SLC9C1: variants seen among roughly 807,000 people sequenced by gnomAD.
SLC9C1 encodes the protein sodium/hydrogen exchanger 10.
SLC9C1 carries 97 observed loss-of-function variants against 140.9 expected under a neutral mutation model. The ratio of observed to expected loss-of-function variants is 0.69; its 90% CI spans 0.58 to 0.82. SLC9C1 has a LOEUF of 0.82. Among genes scored for constraint, SLC9C1 ranks in the 40% least tolerant of loss-of-function variants. The probability of loss-of-function intolerance (pLI) is 0.00; values close to 1 mark genes in which losing one functional copy is unlikely to be tolerated. For synonymous variants in SLC9C1, 440 were observed against 442.6 expected (o/e 0.99, Z 0.07); for missense variants, 1,340 against 1,389.3 (o/e 0.96, Z 0.56).
rs541347725 is a variant in SLC9C1 at position 112,232,678 on chromosome 3, A to G, written c.1447-1192T>C. Among the ~76,000 whole-genome samples the G allele has an allele frequency of 7.2e-5, 11 of 152,248 alleles. No homozygotes were observed. In the South Asian group the frequency reaches 2.1e-3, roughly 29 times the overall value. ...CAAAAACAAAAACATTGTAAAAACC[A>G]TTGAAAACTGGACATGATGTAGGAC... On this transcript the variant is annotated intron_variant, in intron 12 of 28. Transcript: ENST00000305815.
intron 15 of SLC9C1, among the ~76,000 whole-genome samples, chr3:112,213,515 T>C (rs1560074826): frequency 6.6e-6 from 1 of 152,132 alleles, no homozygotes; most frequent in Non-Finnish European, 1.5e-5. Context: ...GAGGAAGATC[T>C]ACCAAGCAGA....
At position 112,199,383 on chromosome 3, in the gene SLC9C1, T is replaced by C. The variant is rs368330431; in HGVS notation, c.2461A>G (p.Ile821Val). 17 of 1,598,954 alleles carry C rather than the reference T, an allele frequency of 1.1e-5. No individual in the cohort carries two copies. The highest frequency in any genetic ancestry group is 1.4e-5 in the Non-Finnish European group (17 of 1,173,700). Residue 821 changes from isoleucine to valine, a missense_variant, in exon 20 of 29, where the codon ATT becomes GTT. Ile to Val is a conservative substitution (Grantham distance 29, BLOSUM62 3). Coordinates refer to ENST00000305815, the MANE Select transcript of SLC9C1 (RefSeq NM_183061.3). ...INVMLNMATE[I>V]LKAFGLKGII... ...CCTTTTAAGCCAAAAGCCTTAAGAA[T>C]TTCTGTAGCCATATTGAGCATAACA...
chr3:112,275,030 A>C lies in SLC9C1; in HGVS notation c.485-5T>G. ...TGATGAGGCTTCTAGAAAGCCCTAC[A>C]TATGTTGAGGGGGAAAGATGTTTTT... is the stretch of plus-strand genomic sequence containing the variant. On this transcript the variant is annotated splice_region_variant and splice_polypyrimidine_tract_variant and intron_variant, in intron 5 of 28. Coordinates refer to ENST00000305815, the MANE Select transcript of SLC9C1 (RefSeq NM_183061.3). 1 of 1,555,010 alleles carries C rather than the reference A, an allele frequency of 6.4e-7. No homozygotes were observed. Among genetic ancestry groups the C allele is most frequent in the Non-Finnish European group, 8.6e-7 (1 of 1,161,674 alleles).
At chr3:112,184,357 G>C (rs2077492669) in intron 20 of SLC9C1, among the ~76,000 whole-genome samples, 1 of 105,134 alleles carries the variant, frequency 9.5e-6, no homozygotes, top group African/African-American at 3.8e-5. Context: ...CGTTAGAAGG[G>C]CCAGGTGCGG....
intron 20 of SLC9C1, among the ~76,000 whole-genome samples, chr3:112,188,653 G>A (rs182590694): frequency 6.6e-6 from 1 of 152,156 alleles, no homozygotes; most frequent in Admixed American, 6.5e-5. Flanking sequence ...CATTTGGGTT[G>A]GTTCCAAGTC....
intron 2 of SLC9C1, among the ~76,000 whole-genome samples, chr3:112,282,718 C>T (rs796448994): frequency 6.6e-5 from 10 of 152,074 alleles, no homozygotes; most frequent in South Asian, 2.1e-4. Context: ...TCAGTTCTTT[C>T]GGATGGACTA....
At chr3:112,175,982 G>A (rs570162448) in intron 23 of SLC9C1, among the ~76,000 whole-genome samples, 3 of 152,356 alleles carry the variant, frequency 2.0e-5, no homozygotes, top group East Asian at 1.9e-4. Context: ...CCTGGATTCA[G>A]TCCCTTTCTT....
chr3:112,202,466 T>G, intron 17 of SLC9C1, 67 bp from the exon 18 acceptor site: 1 of 1,429,336 alleles, frequency 7.0e-7, no homozygotes, highest in Non-Finnish European at 9.4e-7. Context: ...GTTGATTAGT[T>G]TAATCAAAAT....
At chr3:112,160,229 G>T (rs1200770108) in intron 26 of SLC9C1, among the ~76,000 whole-genome samples, 2 of 149,078 alleles carry the variant, frequency 1.3e-5, no homozygotes, top group African/African-American at 2.5e-5. Flanking sequence ...TATTTATTTT[G>T]TATTTATTTT....
intron 26 of SLC9C1, among the ~76,000 whole-genome samples, chr3:112,157,471 C>G (rs2075158630): frequency 6.6e-6 from 1 of 151,966 alleles, no homozygotes; most frequent in Admixed American, 6.6e-5. Context: ...TGGTTTTGTT[C>G]TTTTTGCTCA....
At chr3:112,222,209 T>C (rs1448870752) in intron 13 of SLC9C1, among the ~76,000 whole-genome samples, 1 of 152,208 alleles carries the variant, frequency 6.6e-6, no homozygotes, top group Admixed American at 6.5e-5. Context: ...GAAGATTATA[T>C]GGATCTCGCG....
chr3:112,269,117 G>A (rs1215744294), intron 7 of SLC9C1, among the ~76,000 whole-genome samples: 1 of 152,060 alleles, frequency 6.6e-6, no homozygotes, highest in Non-Finnish European at 1.5e-5. Context: ...AACTGCCCCC[G>A]CTCCGCCTTT....
chr3:112,270,911 A>T (rs977337415), intron 6 of SLC9C1, among the ~76,000 whole-genome samples: 1 of 152,210 alleles, frequency 6.6e-6, no homozygotes, highest in Non-Finnish European at 1.5e-5. Flanking sequence ...TGTCCAATAT[A>T]TGGAGTCAAC....
intron 26 of SLC9C1, among the ~76,000 whole-genome samples, chr3:112,160,619 A>G (rs2075269666): frequency 6.6e-6 from 1 of 151,626 alleles, no homozygotes; most frequent in Non-Finnish European, 1.5e-5. Flanking sequence ...TTATGGCTGC[A>G]TAGTATTCCA....
intron 23 of SLC9C1, among the ~76,000 whole-genome samples, chr3:112,176,851 T>C (rs766807885): frequency 5.3e-5 from 8 of 152,140 alleles, no homozygotes; most frequent in Non-Finnish European, 1.0e-4. Context: ...TGTTAGGTCT[T>C]AGAATAAGAG....
chr3:112,258,619 T>G (rs1175420983), intron 10 of SLC9C1, among the ~76,000 whole-genome samples: 2 of 151,748 alleles, frequency 1.3e-5, no homozygotes, highest in Non-Finnish European at 2.9e-5. Flanking sequence ...TATTTTTAGT[T>G]TTACAGGTAT....
At position 112,232,646 on chromosome 3, in the gene SLC9C1, A is replaced by G. The variant is rs1177893804; in HGVS notation, c.1447-1160T>C. On this transcript the variant is annotated intron_variant, in intron 12 of 28. Transcript: ENST00000305815. Reference sequence around the variant, plus strand: ...TTGGCCCCTCATATTGTGTTTTGCAAAAAAAACAAAAACAAAAACATTGTA... The same window carrying G: ...TTGGCCCCTCATATTGTGTTTTGCAGAAAAAACAAAAACAAAAACATTGTA... Among the ~76,000 whole-genome samples, 8 of 152,204 alleles carry G rather than the reference A, an allele frequency of 5.3e-5. No individual in the cohort carries two copies. In the East Asian group the frequency reaches 1.5e-3, roughly 29 times the overall value.
chr3:112,195,882 A>C (rs1481484004), intron 20 of SLC9C1, among the ~76,000 whole-genome samples: 1 of 152,160 alleles, frequency 6.6e-6, no homozygotes, highest in East Asian at 1.9e-4. Flanking sequence ...AACTGTTTTT[A>C]GTAGAAATAT....
At chr3:112,217,362 C>A in intron 15 of SLC9C1, 80 bp downstream of exon 15, 2 of 1,476,260 alleles carry the variant, frequency 1.4e-6, no homozygotes, top group Non-Finnish European at 1.8e-6. Flanking sequence ...ACAAAAAATT[C>A]AAGATACCAT....
Sources: allele counts gnomAD v4.1 joint callset (sites outside exome capture counted in the v4.1 genomes callset), GRCh38; gene constraint gnomAD v4.1.1; transcripts MANE v1.5; gene names NCBI Gene and HGNC (gene_info 2026-07-23, HGNC 2026-07-21).